Variants in PARVA observed in about 807,000 individuals in gnomAD.
PARVA encodes the protein alpha-parvin.
In PARVA, 25 loss-of-function variants were observed where a neutral mutation model predicts 52.6. The ratio of observed to expected loss-of-function variants is 0.48; its 90% CI spans 0.35 to 0.66. The LOEUF is 0.66. PARVA is among the 30% of genes least tolerant of loss of function. The pLI is 0.01. For missense variants in PARVA, 373 were observed against 450.9 expected (o/e 0.83, Z 1.56); for synonymous variants, 185 against 179.1 (o/e 1.03, Z -0.26).
intron 1 of PARVA, among the ~76,000 whole-genome samples, chr11:12,420,342 T>TC (rs1940130792): frequency 1.3e-5 from 2 of 152,208 alleles, no homozygotes; most frequent in African/African-American, 4.8e-5. Context: ...GAACGGGAAC[T>TC]TCATGAATGA....
intron 12 of PARVA, among the ~76,000 whole-genome samples, chr11:12,526,644 C>T (rs1941704849): frequency 2.0e-5 from 3 of 152,218 alleles, no homozygotes; most frequent in South Asian, 4.1e-4. Flanking sequence ...TGAACATAAC[C>T]TCTCCCTTCT....
At chr11:12,520,106 T>C (rs1209320112) in intron 12 of PARVA, among the ~76,000 whole-genome samples, 1 of 152,260 alleles carries the variant, frequency 6.6e-6, no homozygotes, top group Non-Finnish European at 1.5e-5. Flanking sequence ...ATTTTCCCAA[T>C]ATAAATCAAT....
chr11:12,421,268 C>A (rs1263167786), intron 1 of PARVA, among the ~76,000 whole-genome samples: 1 of 152,032 alleles, frequency 6.6e-6, no homozygotes, highest in Admixed American at 6.6e-5. Context: ...GAAGTGTTTA[C>A]ATTATATACT....
intron 10 of PARVA, among the ~76,000 whole-genome samples, chr11:12,514,676 G>A (rs1036789335): frequency 4.6e-5 from 7 of 152,120 alleles, no homozygotes; most frequent in East Asian, 1.9e-4. Flanking sequence ...TAGTAGAGAC[G>A]GGGTTTCACC....
chr11:12,381,150 G>C (rs1174383143), intron 1 of PARVA, among the ~76,000 whole-genome samples: 1 of 152,216 alleles, frequency 6.6e-6, no homozygotes, highest in East Asian at 1.9e-4. Context: ...GGGTTGGTTT[G>C]AAATGACTGT....
chr11:12,398,614 C>T (rs1391336357), intron 1 of PARVA, among the ~76,000 whole-genome samples: 1 of 151,512 alleles, frequency 6.6e-6, no homozygotes, highest in Non-Finnish European at 1.5e-5. Context: ...GGAGACAGAC[C>T]TAATAGCTTG....
chr11:12,485,783 G>A (rs1941151636), intron 4 of PARVA, among the ~76,000 whole-genome samples: 1 of 152,182 alleles, frequency 6.6e-6, no homozygotes, highest in African/African-American at 2.4e-5. Flanking sequence ...CATGGTTAGA[G>A]TGTGGAAGTG....
At chr11:12,419,865 T>A (rs1452621684) in intron 1 of PARVA, among the ~76,000 whole-genome samples, 2 of 152,196 alleles carry the variant, frequency 1.3e-5, no homozygotes, top group African/African-American at 4.8e-5. Flanking sequence ...TGAATTCTTC[T>A]TACGTTGTTG....
rs1474605870 is a variant in PARVA at position 12,532,562 on chromosome 11, G to T, written c.*4637G>T. Among the ~76,000 whole-genome samples the T allele has an allele frequency of 6.6e-6, 1 of 152,174 alleles. No individual in the cohort carries two copies. Among genetic ancestry groups the T allele is most frequent in the African/African-American group, 2.4e-5 (1 of 41,434 alleles). On this transcript the variant is annotated 3_prime_UTR_variant, in exon 13 of 13. Transcript: ENST00000334956. ...TGAGTGAGAGATTATAGCTAGCAGG[G>T]GAGACAGATGAAAAATAACTATGAA...
chr11:12,464,405 C>G (rs1030111825), intron 1 of PARVA, among the ~76,000 whole-genome samples: 1 of 152,216 alleles, frequency 6.6e-6, no homozygotes, highest in African/African-American at 2.4e-5. Flanking sequence ...CATGCATTTA[C>G]TTAATTGTTC....
chr11:12,465,568 ACTCT>A (rs1283605392), intron 1 of PARVA, among the ~76,000 whole-genome samples: 1 of 151,660 alleles, frequency 6.6e-6, no homozygotes, highest in Admixed American at 6.6e-5. Context: ...TTATCTTTTT[ACTCT>A]CTCTAGTTTC....
chr11:12,511,864 G>T (rs1941506319), intron 8 of PARVA, among the ~76,000 whole-genome samples: 1 of 152,200 alleles, frequency 6.6e-6, no homozygotes, highest in African/African-American at 2.4e-5. Flanking sequence ...AGGAGATTAT[G>T]ATCTTGGTTT....
intron 1 of PARVA, among the ~76,000 whole-genome samples, chr11:12,421,835 G>C (rs1349868816): frequency 6.6e-6 from 1 of 152,238 alleles, no homozygotes; most frequent in East Asian, 1.9e-4. Context: ...GGGCTGATCA[G>C]ATCTTTATCT....
chr11:12,422,163 A>G (rs1940159770), intron 1 of PARVA, among the ~76,000 whole-genome samples: 1 of 152,230 alleles, frequency 6.6e-6, no homozygotes, highest in African/African-American at 2.4e-5. Flanking sequence ...ATGATCACTT[A>G]AAGTTTTAAA....
intron 1 of PARVA, among the ~76,000 whole-genome samples, chr11:12,379,720 G>C (rs1939457944): frequency 6.6e-6 from 1 of 152,214 alleles, no homozygotes; most frequent in African/African-American, 2.4e-5. Flanking sequence ...TGAAGAACTA[G>C]ACTTCTATTC....
chr11:12,464,699 G>T (rs530243064), intron 1 of PARVA, among the ~76,000 whole-genome samples: 1 of 152,154 alleles, frequency 6.6e-6, no homozygotes, highest in East Asian at 1.9e-4. Flanking sequence ...TTACATTAAG[G>T]TTTACTCCTT....
chr11:12,405,012 G>C (rs980470003), intron 1 of PARVA, among the ~76,000 whole-genome samples: 2 of 152,156 alleles, frequency 1.3e-5, no homozygotes, highest in African/African-American at 4.8e-5. Flanking sequence ...TACCGTCTGG[G>C]TATCTAGGTG....
chr11:12,421,570 A>T (rs1251234196), intron 1 of PARVA, among the ~76,000 whole-genome samples: 1 of 152,204 alleles, frequency 6.6e-6, no homozygotes, highest in Non-Finnish European at 1.5e-5. Context: ...GGCCTCTGTC[A>T]GCTGCCCACA....
At chr11:12,410,383 C>T (rs996544639) in intron 1 of PARVA, among the ~76,000 whole-genome samples, 12 of 152,342 alleles carry the variant, frequency 7.9e-5, no homozygotes, top group Admixed American at 3.9e-4. Context: ...GCAGGGACTC[C>T]GGGCCAGCTG....
Sources: allele counts gnomAD v4.1 joint callset (sites outside exome capture counted in the v4.1 genomes callset), GRCh38; gene constraint gnomAD v4.1.1; transcripts MANE v1.5; gene names NCBI Gene and HGNC (gene_info 2026-07-23, HGNC 2026-07-21).